The following TPD52L3 variants were observed in gnomAD, a reference collection of about 807,000 sequenced individuals.
TPD52L3 encodes the protein TPD52 like 3.
A neutral mutation model predicts 8.7 loss-of-function variants in TPD52L3; 12 were observed. That is an observed-to-expected ratio of 1.38 (90% CI 0.89 to 2.24). TPD52L3 has a LOEUF of 2.24. Among genes scored for constraint, TPD52L3 ranks in the 30% most tolerant of loss-of-function variants. TPD52L3 has a pLI of 0.00. For synonymous variants in TPD52L3, 79 were observed against 66.8 expected (o/e 1.18, Z -0.89); for missense variants, 207 against 158.7 (o/e 1.30, Z -1.64).
chr9:6,328,697 C>A lies in TPD52L3; in HGVS notation c.102C>A (p.Thr34=), dbSNP rs767974630. 6.2e-7 allele frequency: 1 copy of A among 1,614,162 alleles called. No homozygotes were observed. Among genetic ancestry groups the A allele is most frequent in the South Asian group, 1.1e-5 (1 of 91,080 alleles). The change falls in exon 1 of 2, where the codon ACC becomes ACA. Residue 34 remains threonine, a synonymous_variant. Transcript: ENST00000314556. ...AGCCCGAGCAAAGAGAGCTCAAAAC[C>A]AAACTCACTAAATTGGAGGCTGAAA... ...LTEPEQRELK[T]KLTKLEAEIV...
Position 6,331,783 on chromosome 9 carries a change from T to A in TPD52L3, c.*764T>A, listed in dbSNP as rs1479841073. The A allele has an allele frequency of 6.6e-6, 1 of 152,166 alleles. No individual in the cohort carries two copies. Among genetic ancestry groups the A allele is most frequent in the East Asian group, 1.9e-4 (1 of 5,202 alleles). 9.4% of individuals were successfully genotyped at this position (152,166 alleles called of 1,614,324 possible). On this transcript the variant is annotated 3_prime_UTR_variant, in exon 2 of 2. Transcript: ENST00000314556. ...TTTGCAAGATAATAAGGATGTAGAA[T>A]TGAAAAGGCCTGATATTATTGAAGC... is the stretch of plus-strand genomic sequence containing the variant.
At chr9:6,329,048 A>T in intron 1 of TPD52L3, 86 bp downstream of exon 1, 2 of 1,602,378 alleles carry the variant, frequency 1.2e-6, no homozygotes, top group South Asian at 2.3e-5. Context: ...GGTGGGGTTG[A>T]TCTGCTCTCA....
In TPD52L3 at chr9:6,328,621, C is replaced by T. The variant is rs775673840; in HGVS notation, c.26C>T (p.Ser9Phe). 8 of 1,613,946 alleles carry T rather than the reference C, an allele frequency of 5.0e-6. No homozygotes were observed. The South Asian group carries it at 8.8e-5, about 18-fold the overall frequency. Reference sequence around the variant, plus strand: ...ATGCCACATGCCAGGACAGAGACCTCTGTGGGCACATATGAATCCCACTCG... The same window carrying T: ...ATGCCACATGCCAGGACAGAGACCTTTGTGGGCACATATGAATCCCACTCG... MPHARTET[S>F]VGTYESHSTS... Residue 9 changes from serine to phenylalanine, a missense_variant, in exon 1 of 2, where the codon TCT becomes TTT. Ser to Phe is a radical substitution (Grantham distance 155, BLOSUM62 -2). Coordinates refer to ENST00000314556, the MANE Select transcript of TPD52L3 (RefSeq NM_001001874.3).
intron 1 of TPD52L3, 176 bp from the exon 2 acceptor site, chr9:6,330,800 G>A: frequency 7.3e-7 from 1 of 1,368,144 alleles, no homozygotes; most frequent in Non-Finnish European, 9.4e-7. Context: ...ATTTCAGGAA[G>A]GCTTGTGTTA....
At chr9:6,329,385 G>A in intron 1 of TPD52L3, 2 of 1,068,824 alleles carry the variant, frequency 1.9e-6, no homozygotes, top group South Asian at 7.2e-5. Context: ...TTTCACTTAA[G>A]TTTGTAGACG....
chr9:6,330,380 A>C (rs1052335), intron 1 of TPD52L3: 273,597 of 1,424,414 alleles, frequency 0.19, 27,527 homozygotes, highest in Admixed American at 0.3. Context: ...CTGAGATAGA[A>C]GTTTGCATCT....
At chr9:6,330,354 C>T (rs1818128767) in intron 1 of TPD52L3, 2 of 1,465,908 alleles carry the variant, frequency 1.4e-6, no homozygotes, top group South Asian at 3.0e-5. Flanking sequence ...CTCTTTCACT[C>T]CTCTAGACAC....
Position 6,328,901 on chromosome 9 carries a change from C to A in TPD52L3, c.306C>A (p.Gly102=), listed in dbSNP as rs1818081058. 1 of 1,614,092 alleles carries A rather than the reference C, an allele frequency of 6.2e-7. No individual in the cohort carries two copies. Among genetic ancestry groups the A allele is most frequent in the Non-Finnish European group, 8.5e-7 (1 of 1,180,036 alleles). ...QKTSAALSTM[G]TLICRKLGGV... ...CATCAGCTGCTCTGTCCACCATGGG[C>A]ACTCTCATCTGCAGGAAGCTTGGAG... Residue 102 remains glycine, a synonymous_variant, in exon 1 of 2, where the codon GGC becomes GGA. Coordinates refer to ENST00000314556, the MANE Select transcript of TPD52L3 (RefSeq NM_001001874.3).
rs759994756 is a variant in TPD52L3, at chr9:6,328,909, T to C, written c.314T>C (p.Ile105Thr). 6.2e-7 allele frequency: 1 copy of C among 1,614,178 alleles called. No homozygotes were observed. Among genetic ancestry groups the C allele is most frequent in the Non-Finnish European group, 8.5e-7 (1 of 1,180,026 alleles). ...GCTCTGTCCACCATGGGCACTCTCA[T>C]CTGCAGGAAGCTTGGAGGCGTGAAG... is the stretch of plus-strand genomic sequence containing the variant. Reference protein sequence around the residue: ...SAALSTMGTLICRKLGGVKKS... With the variant: ...SAALSTMGTLTCRKLGGVKKS... Residue 105 changes from isoleucine to threonine, a missense_variant, in exon 1 of 2, where the codon ATC becomes ACC. Coordinates refer to ENST00000314556, the MANE Select transcript of TPD52L3 (RefSeq NM_001001874.3).
chr9:6,330,509 TC>T, intron 1 of TPD52L3: 1 of 1,242,474 alleles, frequency 8.0e-7, no homozygotes, highest in Non-Finnish European at 1.0e-6. Flanking sequence ...TCTTGAATGC[TC>T]CCCCAACATT....
At chr9:6,330,467 C>T (rs1432931194) in intron 1 of TPD52L3, 1 of 1,313,334 alleles carries the variant, frequency 7.6e-7, no homozygotes, top group African/African-American at 1.5e-5. Context: ...GGTAATCCCT[C>T]CAGCCTAAGA....
chr9:6,328,555 T>G lies in TPD52L3; in HGVS notation c.-41T>G. 1 of 1,586,468 alleles carries G rather than the reference T, an allele frequency of 6.3e-7. No individual in the cohort carries two copies. The highest frequency in any genetic ancestry group is 8.6e-7 in the Non-Finnish European group (1 of 1,169,026). ...TAATTCGACTCTTTCTACCAAGAAT[T>G]GGACCTGGACTCTCTTAACGAAGAT... On this transcript the variant is annotated 5_prime_UTR_variant, in exon 1 of 2. The change creates a new upstream start codon in the 5' untranslated region. Transcript: ENST00000314556.
Position 6,331,230 on chromosome 9 carries a change from T to C in TPD52L3, c.*211T>C. Reference sequence around the variant, plus strand: ...TAGAAACACTTAGACTTTCAAATCATTATAATTCAATGAGTCCTAAAATAG... The same window carrying C: ...TAGAAACACTTAGACTTTCAAATCACTATAATTCAATGAGTCCTAAAATAG... On this transcript the variant is annotated 3_prime_UTR_variant, in exon 2 of 2. Coordinates refer to ENST00000314556, the MANE Select transcript of TPD52L3 (RefSeq NM_001001874.3). 2.1e-6 allele frequency: 1 copy of C among 485,188 alleles called. No individual in the cohort carries two copies. The allele number at this position is 485,188 out of a possible 1,614,324, so 30.1% of individuals were successfully genotyped here. A position where few individuals can be genotyped will look rare whatever the true frequency, so the allele number is the denominator to read the frequency against.
intron 1 of TPD52L3, 168 bp downstream of exon 1, chr9:6,329,130 T>G: frequency 2.7e-6 from 4 of 1,497,636 alleles, no homozygotes; most frequent in Non-Finnish European, 3.6e-6. Context: ...TTCTGGAGAG[T>G]GAGGATGACC....
rs1818147148 is a variant in TPD52L3 at position 6,331,363 on chromosome 9, A to T, written c.*344A>T. ...CAGAAAGTCTTAGAGGACTAGGAGA[A>T]GTTTGCCAGACAGACAAGAATAGAA... On this transcript the variant is annotated 3_prime_UTR_variant, in exon 2 of 2. Coordinates refer to ENST00000314556, the MANE Select transcript of TPD52L3 (RefSeq NM_001001874.3). The T allele has an allele frequency of 5.5e-6, 1 of 183,158 alleles. No homozygotes were observed. The highest frequency in any genetic ancestry group is 1.1e-5 in the Non-Finnish European group (1 of 88,690). 11.3% of individuals were successfully genotyped at this position (183,158 alleles called of 1,614,324 possible).
Position 6,328,603 on chromosome 9 carries a change from A to G in TPD52L3, c.8A>G (p.His3Arg), listed in dbSNP as rs1427500046. Reference protein sequence around the residue: MPHARTETSVGTY... With the variant: MPRARTETSVGTY... Reference sequence around the variant, plus strand: ...GATCTTCTTTCCCAGTCCATGCCACATGCCAGGACAGAGACCTCTGTGGGC... The same window carrying G: ...GATCTTCTTTCCCAGTCCATGCCACGTGCCAGGACAGAGACCTCTGTGGGC... Residue 3 changes from histidine (H) to arginine (R), a missense_variant, in exon 1 of 2, where the codon CAT (histidine) becomes CGT (arginine). Coordinates refer to ENST00000314556, the MANE Select transcript of TPD52L3 (RefSeq NM_001001874.3). The G allele has an allele frequency of 1.9e-6, 3 of 1,613,350 alleles. No homozygotes were observed. The highest frequency in any genetic ancestry group is 2.5e-6 in the Non-Finnish European group (3 of 1,179,914).
At chr9:6,330,506 T>C (rs766033878) in intron 1 of TPD52L3, 8 of 1,252,216 alleles carry the variant, frequency 6.4e-6, no homozygotes, top group Non-Finnish European at 8.1e-6. Flanking sequence ...GACTCTTGAA[T>C]GCTCCCCCAA....
intron 1 of TPD52L3, chr9:6,329,175 G>C: frequency 6.9e-7 from 1 of 1,454,470 alleles, no homozygotes; most frequent in Non-Finnish European, 9.1e-7. Flanking sequence ...GAGCCCCCTT[G>C]GTAACCTTGC....
intron 1 of TPD52L3, chr9:6,330,735 T>C: frequency 7.8e-7 from 1 of 1,277,718 alleles, no homozygotes; most frequent in Non-Finnish European, 9.9e-7. Flanking sequence ...GAACAAGAGG[T>C]GAGCCTGCAG....
Sources: allele counts gnomAD v4.1 joint callset, GRCh38; gene constraint gnomAD v4.1.1; transcripts MANE v1.5; gene names NCBI Gene and HGNC (gene_info 2026-07-23, HGNC 2026-07-21).